The following ZNF655 variants were observed in gnomAD, a reference collection of about 807,000 sequenced individuals.
ZNF655 encodes the protein zinc finger protein 655.
A neutral mutation model predicts 6.6 loss-of-function variants in ZNF655; 3 were observed. That is an observed-to-expected ratio of 0.46 (90% CI 0.21 to 1.18). ZNF655 has a LOEUF of 1.18. Among genes scored for constraint, ZNF655 ranks in the 50% most tolerant of loss-of-function variants. ZNF655 has a pLI of 0.24. For synonymous variants in ZNF655, 178 were observed against 195.0 expected, an observed-to-expected ratio of 0.91 and a Z score of 0.73; for missense variants, 526 against 572.3, an observed-to-expected ratio of 0.92 and a Z score of 0.83.
intron 2 of ZNF655, among the ~76,000 whole-genome samples, chr7:99,570,017 G>A (rs564269541): frequency 3.3e-5 from 5 of 151,982 alleles, no homozygotes; most frequent in South Asian, 2.1e-4. Flanking sequence ...ATGCCTTTGC[G>A]TACTCATCTG....
intron 2 of ZNF655, among the ~76,000 whole-genome samples, chr7:99,567,531 C>CAA (rs201495604): frequency 9.2e-5 from 8 of 86,922 alleles, no homozygotes; most frequent in East Asian, 6.7e-4. Flanking sequence ...AACTCCGTCT[C>CAA]AAAAAAAAAA....
chr7:99,559,762 G>T (rs909749112), intron 1 of ZNF655, among the ~76,000 whole-genome samples: 1 of 151,358 alleles, frequency 6.6e-6, no homozygotes, highest in Non-Finnish European at 1.5e-5. Context: ...GGAGTAGCTG[G>T]AACTACAGGC....
chr7:99,569,422 ATTAT>A (rs1033052443), intron 2 of ZNF655, among the ~76,000 whole-genome samples: 24 of 152,236 alleles, frequency 1.6e-4, no homozygotes, highest in East Asian at 7.7e-4. Context: ...GTTCACAGTC[ATTAT>A]TTATTTTTTT....
At chr7:99,566,397 C>T (rs981629417) in intron 2 of ZNF655, among the ~76,000 whole-genome samples, 5 of 152,112 alleles carry the variant, frequency 3.3e-5, no homozygotes, top group South Asian at 2.1e-4. Context: ...AAAAGTAAAA[C>T]TCTCTAGGGA....
At chr7:99,570,952 AAGAC>A (rs1359568283) in intron 2 of ZNF655, 14 of 166,374 alleles carry the variant, frequency 8.4e-5, no homozygotes, top group African/African-American at 3.1e-4. Context: ...AAGCCATAGA[AAGAC>A]TGTTTTATGT....
rs773351523 is a variant in ZNF655 at position 99,573,561 on chromosome 7, A to G, written c.1453A>G (p.Ile485Val). Residue 485 changes from isoleucine to valine, a missense_variant, in exon 3 of 3, where the codon ATT (isoleucine) becomes GTT (valine). By Grantham distance (29) the Ile-to-Val change is conservative (BLOSUM62 3). Transcript: ENST00000252713. ...QRAHLVQHQS[I>V]HTKENS Reference sequence around the variant, plus strand: ...AGCACATCTAGTTCAACATCAGAGCATTCATACCAAAGAGAACTCATGAAT... The same window carrying G: ...AGCACATCTAGTTCAACATCAGAGCGTTCATACCAAAGAGAACTCATGAAT... 2.5e-6 allele frequency: 4 copies of G among 1,603,898 alleles called. No individual in the cohort carries two copies. The highest frequency in any genetic ancestry group is 1.1e-5 in the South Asian group (1 of 90,890).
chr7:99,559,688 C>T (rs745821071), intron 1 of ZNF655, among the ~76,000 whole-genome samples: 1 of 152,016 alleles, frequency 6.6e-6, no homozygotes, highest in Non-Finnish European at 1.5e-5. Context: ...AATGCAGTGG[C>T]GCAGTCATAG....
In ZNF655 at chr7:99,572,962, G is replaced by T; in HGVS notation, c.854G>T (p.Ser285Ile). Residue 285 changes from serine to isoleucine, a missense_variant, in exon 3 of 3, where the codon AGT (serine) becomes ATT (isoleucine). Transcript: ENST00000252713. Reference sequence around the variant, plus strand: ...TGTGAAGCGTCTGATAAATCCTGTAGTCCAAGCTCAGGCATAATTCAGCAT... The same window carrying T: ...TGTGAAGCGTCTGATAAATCCTGTATTCCAAGCTCAGGCATAATTCAGCAT... Reference protein sequence around the residue: ...KSCEASDKSCSPSSGIIQHKK... With the variant: ...KSCEASDKSCIPSSGIIQHKK... 1 of 1,614,162 alleles carries T rather than the reference G, an allele frequency of 6.2e-7. No individual in the cohort carries two copies. Among genetic ancestry groups the T allele is most frequent in the Non-Finnish European group, 8.5e-7 (1 of 1,180,006 alleles).
rs1258042763 is a variant in ZNF655 at position 99,575,612 on chromosome 7, G to C, written c.*2028G>C. 1 of 152,024 alleles carries C rather than the reference G, an allele frequency of 6.6e-6. No individual in the cohort carries two copies. Among genetic ancestry groups the C allele is most frequent in the Admixed American group, 6.6e-5 (1 of 15,254 alleles). 9.4% of individuals were successfully genotyped at this position (152,024 alleles called of 1,614,324 possible). On this transcript the variant is annotated 3_prime_UTR_variant, in exon 3 of 3. Coordinates refer to ENST00000252713, the MANE Select transcript of ZNF655 (RefSeq NM_138494.3). ...ACACAAATCAGCATCATAAGGGAAT[G>C]TAGCCTTCCAACAGAGATGATGCTG...
In ZNF655 at chr7:99,575,847, A is replaced by G. The variant is rs1804365465; in HGVS notation, c.*2263A>G. On this transcript the variant is annotated 3_prime_UTR_variant, in exon 3 of 3. Transcript: ENST00000252713. ...AATAGTCTACAGGCTATATAAAAGA[A>G]CATGGCTTTTTGACTGATAAAAGTG... is the stretch of plus-strand genomic sequence containing the variant. 1 of 152,238 alleles carries G rather than the reference A, an allele frequency of 6.6e-6. No individual in the cohort carries two copies. Among genetic ancestry groups the G allele is most frequent in the Non-Finnish European group, 1.5e-5 (1 of 68,042 alleles). The allele number at this position is 152,238 out of a possible 1,614,324, so 9.4% of individuals were successfully genotyped here.
At chr7:99,566,507 A>G (rs1432509948) in intron 2 of ZNF655, among the ~76,000 whole-genome samples, 1 of 152,258 alleles carries the variant, frequency 6.6e-6, no homozygotes, top group African/African-American at 2.4e-5. Context: ...AAGCTTTCAG[A>G]TGGCTAAAAG....
chr7:99,574,393 CT>C lies in ZNF655; in HGVS notation c.*815del, dbSNP rs1237515578. The C allele has an allele frequency of 6.6e-6, 1 of 152,038 alleles. No homozygotes were observed. The highest frequency in any genetic ancestry group is 2.4e-5 in the African/African-American group (1 of 41,400). The allele number at this position is 152,038 out of a possible 1,614,324, so 9.4% of individuals were successfully genotyped here. On this transcript the variant is annotated 3_prime_UTR_variant, in exon 3 of 3. Coordinates refer to ENST00000252713, the MANE Select transcript of ZNF655 (RefSeq NM_138494.3). Reference sequence around the variant, plus strand: ...TTCTAAGTAGGTACGTTTATTTTTACTTTTTTATTATAATTTTGATATTAAA... The same window carrying C: ...TTCTAAGTAGGTACGTTTATTTTTACTTTTTATTATAATTTTGATATTAAA...
chr7:99,559,857 A>T (rs1162657561), intron 1 of ZNF655, among the ~76,000 whole-genome samples: 1 of 138,198 alleles, frequency 7.2e-6, no homozygotes, highest in Non-Finnish European at 1.5e-5. Flanking sequence ...GGAACTCCTG[A>T]GCTTAAGGGA....
chr7:99,573,088 A>G lies in ZNF655; in HGVS notation c.980A>G (p.Glu327Gly), dbSNP rs144240524. 825 of 1,614,136 alleles carry G rather than the reference A, an allele frequency of 5.1e-4. 3 individuals are homozygous for G. The African/African-American group carries it at 0.01, about 20-fold the overall frequency. Reference protein sequence around the residue: ...HLTQHQKIHKEMPCKCTVCGS... With the variant: ...HLTQHQKIHKGMPCKCTVCGS... ...ACTCAACATCAGAAAATTCACAAAG[A>G]GATGCCCTGTAAGTGTACTGTATGT... The change falls in exon 3 of 3, where the codon GAG (glutamate) becomes GGG (glycine). Residue 327 changes from glutamate (E) to glycine (G), a missense_variant. Glu to Gly is a moderately conservative substitution (Grantham distance 98, BLOSUM62 -2). Transcript: ENST00000252713.
In ZNF655 at chr7:99,576,194, C is replaced by T. The variant is rs573290123; in HGVS notation, c.*2610C>T. On this transcript the variant is annotated 3_prime_UTR_variant, in exon 3 of 3. Coordinates refer to ENST00000252713, the MANE Select transcript of ZNF655 (RefSeq NM_138494.3). ...GCCATCAGCAAGAGTAGGATTTCAT[C>T]AAGGCAAGGTAGGAATCTAAATGAA... 6.6e-6 allele frequency: 1 copy of T among 152,660 alleles called. No individual in the cohort carries two copies. Among genetic ancestry groups the T allele is most frequent in the East Asian group, 1.9e-4 (1 of 5,184 alleles). 9.5% of individuals were successfully genotyped at this position (152,660 alleles called of 1,614,324 possible).
At chr7:99,562,558 A>C in intron 2 of ZNF655, 1 of 1,550,110 alleles carries the variant, frequency 6.5e-7, no homozygotes, top group East Asian at 2.2e-5. Flanking sequence ...TTTCTTCCTA[A>C]GTATAAGGTC....
intron 2 of ZNF655, chr7:99,564,627 G>A (rs1724145354): frequency 1.0e-6 from 1 of 984,964 alleles, no homozygotes; most frequent in Non-Finnish European, 1.2e-6. Flanking sequence ...TAATAACTTT[G>A]TAAACTGTAA....
Position 99,574,477 on chromosome 7 carries a change from A to C in ZNF655, c.*893A>C, listed in dbSNP as rs1170334374. Reference sequence around the variant, plus strand: ...AGGCTGGTCTTGAACTCCTGGCCTCAAGCGATCCTCCCACCTGTCCTCCCA... The same window carrying C: ...AGGCTGGTCTTGAACTCCTGGCCTCCAGCGATCCTCCCACCTGTCCTCCCA... On this transcript the variant is annotated 3_prime_UTR_variant, in exon 3 of 3. Coordinates refer to ENST00000252713, the MANE Select transcript of ZNF655 (RefSeq NM_138494.3). The C allele has an allele frequency of 2.6e-5, 4 of 152,188 alleles. No individual in the cohort carries two copies. Among genetic ancestry groups the C allele is most frequent in the Non-Finnish European group, 5.9e-5 (4 of 68,042 alleles). 9.4% of individuals were successfully genotyped at this position (152,188 alleles called of 1,614,324 possible). A position where few individuals can be genotyped will look rare whatever the true frequency, so the allele number is the denominator to read the frequency against.
In ZNF655 at chr7:99,573,140, C is replaced by T. The variant is rs1201577565; in HGVS notation, c.1032C>T (p.Tyr344=). The change falls in exon 3 of 3, where the codon TAC becomes TAT. Residue 344 remains tyrosine, a synonymous_variant. Coordinates refer to ENST00000252713, the MANE Select transcript of ZNF655 (RefSeq NM_138494.3). ...VCGSDFCHTS[Y]LLEHQRVHHE... ...GCAGTGACTTCTGCCATACTTCATACCTACTTGAACATCAGAGGGTCCATC... is the reference window on the plus strand; with the variant it reads ...GCAGTGACTTCTGCCATACTTCATATCTACTTGAACATCAGAGGGTCCATC... The T allele has an allele frequency of 6.2e-7, 1 of 1,613,972 alleles. No individual in the cohort carries two copies. Among genetic ancestry groups the T allele is most frequent in the African/African-American group, 1.3e-5 (1 of 74,912 alleles).
Sources: allele counts gnomAD v4.1 joint callset (sites outside exome capture counted in the v4.1 genomes callset), GRCh38; gene constraint gnomAD v4.1.1; transcripts MANE v1.5; gene names NCBI Gene and HGNC (gene_info 2026-07-23, HGNC 2026-07-21).